The following PUS10 variants were observed in gnomAD, a reference collection of about 807,000 sequenced individuals.
PUS10 encodes tRNA pseudouridine synthase Pus10.
PUS10 carries 59 observed loss-of-function variants against 75.0 expected under a neutral mutation model. The ratio of observed to expected loss-of-function variants is 0.79; its 90% CI spans 0.64 to 0.98. The LOEUF is 0.98. PUS10 is among the 50% of genes least tolerant of loss of function. PUS10 has a pLI of 0.00. For missense variants in PUS10, 650 were observed against 614.4 expected, an observed-to-expected ratio of 1.06 and a Z score of -0.61; for synonymous variants, 219 against 211.6, an observed-to-expected ratio of 1.03 and a Z score of -0.30.
intron 1 of PUS10, among the ~76,000 whole-genome samples, chr2:61,012,337 C>G (rs1391025994): frequency 6.6e-6 from 1 of 151,978 alleles, no homozygotes; most frequent in Non-Finnish European, 1.5e-5. Context: ...GGTAGTGGGG[C>G]TCAGAAAGCC....
intron 11 of PUS10, among the ~76,000 whole-genome samples, chr2:60,956,713 C>T (rs971638895): frequency 2.0e-5 from 3 of 152,008 alleles, no homozygotes; most frequent in Non-Finnish European, 4.4e-5. Flanking sequence ...CGGTGGCTCA[C>T]GCCTGTAATC....
At chr2:60,991,956 T>C (rs892760279) in intron 4 of PUS10, among the ~76,000 whole-genome samples, 17 of 152,026 alleles carry the variant, frequency 1.1e-4, no homozygotes, top group Non-Finnish European at 2.5e-4. Flanking sequence ...GAAATATCAG[T>C]TGCTGCATGC....
intron 4 of PUS10, among the ~76,000 whole-genome samples, chr2:60,977,752 G>A (rs1407275814): frequency 1.3e-5 from 2 of 152,086 alleles, no homozygotes; most frequent in African/African-American, 4.8e-5. Flanking sequence ...TCCTGATGGA[G>A]GGAAACAAAC....
At chr2:60,962,095 C>T (rs1034106822) in intron 9 of PUS10, among the ~76,000 whole-genome samples, 6 of 152,256 alleles carry the variant, frequency 3.9e-5, no homozygotes, top group Non-Finnish European at 7.3e-5. Flanking sequence ...TGAGGAAACT[C>T]ATGAGCCTTC....
At chr2:60,971,639 G>A in intron 4 of PUS10, 82 bp from the exon 5 acceptor site, 1 of 1,287,856 alleles carries the variant, frequency 7.8e-7, no homozygotes, top group South Asian at 1.2e-5. Flanking sequence ...CATTACTGAA[G>A]TGCTTAACTA....
chr2:60,948,000 G>C (rs1675078085), intron 16 of PUS10, 43 bp downstream of exon 16: 3 of 1,610,874 alleles, frequency 1.9e-6, no homozygotes, highest in Admixed American at 1.7e-5. Flanking sequence ...TTTTCCAATA[G>C]AGTTCTGGTT....
chr2:61,015,724 T>A (rs1679930011), intron 1 of PUS10, among the ~76,000 whole-genome samples: 2 of 152,016 alleles, frequency 1.3e-5, no homozygotes, highest in Admixed American at 1.3e-4. Context: ...AAGATCTGTG[T>A]GGTCAAGGTC....
intron 17 of PUS10, chr2:60,944,171 G>A: frequency 1.0e-6 from 1 of 965,694 alleles, no homozygotes; most frequent in South Asian, 4.8e-5. Context: ...TTTAACAGAA[G>A]GTTTTCTTCC....
chr2:60,980,579 A>G (rs1013492546), intron 4 of PUS10, among the ~76,000 whole-genome samples: 10 of 152,180 alleles, frequency 6.6e-5, no homozygotes, highest in Admixed American at 5.9e-4. Flanking sequence ...TCACATAACT[A>G]AATCACTTAT....
chr2:60,987,355 T>C (rs1171111727), intron 4 of PUS10, among the ~76,000 whole-genome samples: 2 of 151,836 alleles, frequency 1.3e-5, no homozygotes, highest in Non-Finnish European at 2.9e-5. Flanking sequence ...CTATCTTTAT[T>C]AGGACACCTT....
At chr2:61,010,312 T>G (rs1274363140) in intron 2 of PUS10, 1 of 156,194 alleles carries the variant, frequency 6.4e-6, no homozygotes, top group East Asian at 1.8e-4. Flanking sequence ...CATTTCTGGT[T>G]TTTTGTTTTT....
At chr2:60,975,730 C>A (rs1391844903) in intron 4 of PUS10, among the ~76,000 whole-genome samples, 1 of 149,860 alleles carries the variant, frequency 6.7e-6, no homozygotes, top group Non-Finnish European at 1.5e-5. Context: ...AATTTTGTCC[C>A]GCCCTTCCTT....
At chr2:61,007,541 G>A (rs1232688860) in intron 3 of PUS10, among the ~76,000 whole-genome samples, 1 of 152,042 alleles carries the variant, frequency 6.6e-6, no homozygotes, top group East Asian at 1.9e-4. Flanking sequence ...GGCCAAGTCA[G>A]GCGGATCACC....
At chr2:60,944,867 C>T (rs1674844719) in intron 17 of PUS10, 142 bp downstream of exon 17, 1 of 615,222 alleles carries the variant, frequency 1.6e-6, no homozygotes, top group African/African-American at 1.8e-5. Flanking sequence ...CAGTCCCTCC[C>T]TTCAATACAA....
intron 1 of PUS10, chr2:61,017,714 C>T: frequency 4.0e-6 from 6 of 1,489,874 alleles, no homozygotes; most frequent in Non-Finnish European, 5.5e-6. Context: ...CTACGCGGGC[C>T]TGGACAGTCA....
chr2:61,001,939 T>C (rs1678884143), intron 4 of PUS10, among the ~76,000 whole-genome samples: 1 of 152,078 alleles, frequency 6.6e-6, no homozygotes, highest in South Asian at 2.1e-4. Context: ...CTTTTCTTTG[T>C]AGTGTTTGAA....
chr2:61,006,546 A>G lies in PUS10; in HGVS notation c.468+11T>C. 6.3e-7 allele frequency: 1 copy of G among 1,598,404 alleles called. No individual in the cohort carries two copies. The highest frequency in any genetic ancestry group is 8.6e-7 in the Non-Finnish European group (1 of 1,167,642). ...CTTCACATACAGTTTTATGCATGCA[A>G]ATGACCTTACCTCTCTTACAGATAG... On this transcript the variant is annotated intron_variant, in intron 4 of 17. Transcript: ENST00000316752.
chr2:60,952,143 G>A (rs1675373651), intron 15 of PUS10, among the ~76,000 whole-genome samples: 1 of 152,074 alleles, frequency 6.6e-6, no homozygotes, highest in Non-Finnish European at 1.5e-5. Flanking sequence ...AGACCAGCCA[G>A]GCCAACATGG....
chr2:60,948,257 C>T, intron 15 of PUS10, 72 bp from the exon 16 acceptor site: 1 of 1,456,352 alleles, frequency 6.9e-7, no homozygotes, highest in Non-Finnish European at 9.6e-7. Context: ...TTAGCCCTTC[C>T]CTCACCATCC....
Sources: gnomAD v4.1 joint callset for allele counts (sites outside exome capture counted in the v4.1 genomes callset) on GRCh38, gnomAD v4.1.1 for gene constraint, MANE v1.5 for transcripts, NCBI Gene and HGNC (gene_info 2026-07-23, HGNC 2026-07-21) for gene names.